The following CMSS1 variants were observed in gnomAD, a reference collection of about 807,000 sequenced individuals.
CMSS1 encodes the protein protein CMSS1.
Under a neutral mutation model 43.5 loss-of-function variants are expected in CMSS1, and 33 were observed. That is an observed-to-expected ratio of 0.76 (90% CI 0.57 to 1.01). The LOEUF (loss-of-function observed/expected upper bound fraction) is 1.01. Ranked by LOEUF, CMSS1 falls within the 50% of genes least tolerant of loss-of-function variation. The pLI, the probability that CMSS1 is intolerant of heterozygous loss-of-function variation, is 0.00. For synonymous variants in CMSS1, 115 were observed against 117.2 expected (o/e 0.98, Z 0.12); for missense variants, 313 against 326.4 (o/e 0.96, Z 0.32).
chr3:100,007,667 G>T (rs1460458308), intron 1 of CMSS1, among the ~76,000 whole-genome samples: 1 of 152,158 alleles, frequency 6.6e-6, no homozygotes, highest in Non-Finnish European at 1.5e-5. Context: ...CCTTTAAATT[G>T]CCTTAAACCA....
At chr3:100,149,663 C>T (rs1221510528) in intron 2 of CMSS1, among the ~76,000 whole-genome samples, 3 of 152,188 alleles carry the variant, frequency 2.0e-5, no homozygotes, top group Non-Finnish European at 4.4e-5. Context: ...TCCTCTGCCT[C>T]ATATGAGTGT....
chr3:99,973,474 A>G (rs1559709715), intron 1 of CMSS1, among the ~76,000 whole-genome samples: 1 of 152,206 alleles, frequency 6.6e-6, no homozygotes. Context: ...ATAAATACAT[A>G]TGAAAATTCC....
chr3:99,900,234 G>A (rs1007915081), intron 1 of CMSS1, among the ~76,000 whole-genome samples: 1 of 152,128 alleles, frequency 6.6e-6, no homozygotes, highest in African/African-American at 2.4e-5. Flanking sequence ...ACCTCCTTGA[G>A]TTTGAGACAG....
At chr3:100,010,612 CTT>C (rs71625546) in intron 1 of CMSS1, among the ~76,000 whole-genome samples, 9 of 141,440 alleles carry the variant, frequency 6.4e-5, no homozygotes, top group South Asian at 2.3e-4. Flanking sequence ...GTTTTTCTTT[CTT>C]TTTTTTTTTT....
chr3:100,112,367 ACT>A (rs1218296183), intron 1 of CMSS1, among the ~76,000 whole-genome samples: 1 of 152,058 alleles, frequency 6.6e-6, no homozygotes, highest in Non-Finnish European at 1.5e-5. Context: ...GACCTGCCTG[ACT>A]CTCGGCAAGT....
intron 1 of CMSS1, among the ~76,000 whole-genome samples, chr3:99,877,618 T>G (rs1433805159): frequency 2.0e-5 from 3 of 152,216 alleles, no homozygotes; most frequent in African/African-American, 7.2e-5. Context: ...GATTTGCAAT[T>G]GTGTACTAAC....
rs150506418 is a variant in CMSS1, at chr3:100,139,069, T to A, written c.65-7904T>A. On this transcript the variant is annotated intron_variant, in intron 1 of 9. Transcript: ENST00000421999. Reference sequence around the variant, plus strand: ...ACATGGATGAAGCTGGAAGCCATCATCCTCAGCAAACTAACCCAGGAACAG... The same window carrying A: ...ACATGGATGAAGCTGGAAGCCATCAACCTCAGCAAACTAACCCAGGAACAG... Among the ~76,000 whole-genome samples the A allele has an allele frequency of 1.5e-3, 234 of 152,200 alleles. 1 individual carries two copies. The highest frequency in any genetic ancestry group is 1.3e-3 in the Non-Finnish European group (89 of 68,008).
intron 1 of CMSS1, among the ~76,000 whole-genome samples, chr3:99,941,395 A>C (rs941540434): frequency 9.2e-5 from 14 of 152,270 alleles, no homozygotes; most frequent in Non-Finnish European, 1.6e-4. Flanking sequence ...TAATTCTGCC[A>C]AAGGGCCTTA....
intron 1 of CMSS1, among the ~76,000 whole-genome samples, chr3:99,981,532 C>T (rs1709124274): frequency 6.6e-6 from 1 of 151,982 alleles, no homozygotes; most frequent in Admixed American, 6.6e-5. Flanking sequence ...AGGTGATTAC[C>T]CTGATTTGAT....
chr3:99,912,722 A>G (rs984614464), intron 1 of CMSS1, among the ~76,000 whole-genome samples: 2 of 152,140 alleles, frequency 1.3e-5, no homozygotes, highest in African/African-American at 4.8e-5. Context: ...CATTACATGG[A>G]TATACCACAG....
intron 1 of CMSS1, among the ~76,000 whole-genome samples, chr3:100,129,717 T>C (rs779023942): frequency 2.0e-5 from 3 of 152,230 alleles, no homozygotes; most frequent in Non-Finnish European, 4.4e-5. Flanking sequence ...AAAGATCCTT[T>C]ACACTGTATT....
At chr3:99,908,350 A>G (rs1255909021) in intron 1 of CMSS1, among the ~76,000 whole-genome samples, 1 of 152,204 alleles carries the variant, frequency 6.6e-6, no homozygotes, top group Non-Finnish European at 1.5e-5. Flanking sequence ...AACTGGCTTC[A>G]CTCGTGTTCT....
At chr3:99,971,289 A>G (rs377188406) in intron 1 of CMSS1, among the ~76,000 whole-genome samples, 8 of 151,866 alleles carry the variant, frequency 5.3e-5, no homozygotes, top group East Asian at 3.9e-4. Context: ...GCAGTGAGCC[A>G]AGATCGTGCC....
chr3:99,837,925 A>G (rs1357382938), intron 1 of CMSS1, among the ~76,000 whole-genome samples: 3 of 152,192 alleles, frequency 2.0e-5, no homozygotes, highest in East Asian at 1.9e-4. Context: ...GGTCATTATC[A>G]TAACTGTCAA....
At chr3:99,876,287 G>C in intron 1 of CMSS1, 1 of 868,826 alleles carries the variant, frequency 1.2e-6, no homozygotes, top group Non-Finnish European at 1.4e-6. Flanking sequence ...CGGGACCCTC[G>C]GCCGCGGCGG....
At chr3:100,092,822 C>T (rs2066136500) in intron 1 of CMSS1, among the ~76,000 whole-genome samples, 1 of 151,504 alleles carries the variant, frequency 6.6e-6, no homozygotes, top group Non-Finnish European at 1.5e-5. Context: ...GTATCTATTA[C>T]CTCTGTATTG....
intron 1 of CMSS1, among the ~76,000 whole-genome samples, chr3:100,015,955 G>A (rs138501334): frequency 6.6e-6 from 1 of 152,176 alleles, no homozygotes; most frequent in East Asian, 1.9e-4. Context: ...TTCACAAAAA[G>A]ACAGATTGCC....
intron 1 of CMSS1, among the ~76,000 whole-genome samples, chr3:99,858,728 G>A (rs1362607119): frequency 6.6e-6 from 1 of 150,858 alleles, no homozygotes; most frequent in South Asian, 2.1e-4. Context: ...ACACTTCTGA[G>A]AGAATGAGAG....
At chr3:99,897,097 G>A (rs567750700) in intron 1 of CMSS1, among the ~76,000 whole-genome samples, 6 of 152,066 alleles carry the variant, frequency 3.9e-5, no homozygotes, top group Admixed American at 2.6e-4. Context: ...GGTGGCTCAC[G>A]CCTGTAATCC....
Sources: gnomAD v4.1 joint callset for allele counts (sites outside exome capture counted in the v4.1 genomes callset) on GRCh38, gnomAD v4.1.1 for gene constraint, MANE v1.5 for transcripts, NCBI Gene and HGNC (gene_info 2026-07-23, HGNC 2026-07-21) for gene names.